The following PTPRD variants were observed in gnomAD, a reference collection of about 807,000 sequenced individuals.
The protein encoded by PTPRD is receptor-type tyrosine-protein phosphatase delta.
A neutral mutation model predicts 214.5 loss-of-function variants in PTPRD; 34 were observed. The ratio of observed to expected loss-of-function variants is 0.16; its 90% confidence interval spans 0.12 to 0.21. PTPRD has a LOEUF of 0.21. Ranked by LOEUF, PTPRD falls within the 10% of genes least tolerant of loss-of-function variation. PTPRD has a pLI of 1.00. For missense variants in PTPRD, 2,545 were observed against 2,398.7 expected, an observed-to-expected ratio of 1.06 and a Z score of -1.27; for synonymous variants, 1,128 against 845.7, an observed-to-expected ratio of 1.33 and a Z score of -5.79.
chr9:10,519,996 C>A (rs536302139), intron 2 of PTPRD, among the ~76,000 whole-genome samples: 1 of 151,936 alleles, frequency 6.6e-6, no homozygotes, highest in Admixed American at 6.6e-5. Flanking sequence ...TAGAGAAATA[C>A]AAAAATTAGT....
At chr9:9,175,146 T>C (rs1485274753) in intron 10 of PTPRD, among the ~76,000 whole-genome samples, 2 of 152,116 alleles carry the variant, frequency 1.3e-5, no homozygotes, top group Non-Finnish European at 2.9e-5. Context: ...AATTGCTGTT[T>C]ATATGCCACC....
intron 30 of PTPRD, among the ~76,000 whole-genome samples, chr9:8,476,028 G>C (rs2096757359): frequency 6.6e-6 from 1 of 152,190 alleles, no homozygotes; most frequent in Admixed American, 6.5e-5. Context: ...AAGGCCAGCA[G>C]GATCTTGCCT....
intron 2 of PTPRD, among the ~76,000 whole-genome samples, chr9:10,426,493 T>C (rs774341339): frequency 1.3e-5 from 2 of 152,046 alleles, no homozygotes; most frequent in African/African-American, 4.8e-5. Flanking sequence ...GTTTTTGCTA[T>C]GAAAACTTGT....
Position 8,724,839 on chromosome 9 carries a change from G to C in PTPRD, c.64+8941C>G, listed in dbSNP as rs969218532. Among the ~76,000 whole-genome samples the C allele has an allele frequency of 4.6e-5, 7 of 152,098 alleles. No homozygotes were observed. In the East Asian group the frequency reaches 7.7e-4, roughly 17 times the overall value. ...AGTAATCCCAGCTACTAGTGATGCTGAAGTGGGAGGATCACCCGAGCCCAG... is the reference window on the plus strand; with the variant it reads ...AGTAATCCCAGCTACTAGTGATGCTCAAGTGGGAGGATCACCCGAGCCCAG... On this transcript the variant is annotated intron_variant, in intron 12 of 45. Transcript: ENST00000381196.
intron 9 of PTPRD, among the ~76,000 whole-genome samples, chr9:9,394,690 T>C (rs1328912404): frequency 6.6e-6 from 1 of 152,102 alleles, no homozygotes; most frequent in Non-Finnish European, 1.5e-5. Flanking sequence ...TGAGCTCTAT[T>C]GGTGCATAGA....
chr9:10,058,217 T>A (rs575914335), intron 3 of PTPRD, among the ~76,000 whole-genome samples: 63 of 152,204 alleles, frequency 4.1e-4, no homozygotes, highest in Admixed American at 1.2e-3. Context: ...TCTCCCCCTT[T>A]TGAGTTATGT....
chr9:8,963,235 GA>G (rs1315764724), intron 11 of PTPRD, among the ~76,000 whole-genome samples: 1 of 152,092 alleles, frequency 6.6e-6, no homozygotes, highest in Non-Finnish European at 1.5e-5. Flanking sequence ...GAGAAGCAAG[GA>G]AATGATTATC....
chr9:9,310,959 AAAT>A (rs1455753977), intron 9 of PTPRD, among the ~76,000 whole-genome samples: 4 of 150,824 alleles, frequency 2.7e-5, no homozygotes, highest in African/African-American at 9.9e-5. Flanking sequence ...ATAAATAAAT[AAAT>A]AACATTCTCG....
chr9:10,340,117 C>A lies in PTPRD; in HGVS notation c.-545+846G>T, dbSNP rs184378110. ...TTACTTGTTCAATAATTATTTCATA[C>A]TACAAGAGTTAAAGTAGCCTCTGTC... is the stretch of plus-strand genomic sequence containing the variant. On this transcript the variant is annotated intron_variant, in intron 3 of 45. Transcript: ENST00000381196. Among the ~76,000 whole-genome samples, 134 of 151,952 alleles carry A rather than the reference C, an allele frequency of 8.8e-4. 1 individual carries two copies. Among genetic ancestry groups the A allele is most frequent in the African/African-American group, 3.1e-3 (130 of 41,510 alleles).
intron 2 of PTPRD, among the ~76,000 whole-genome samples, chr9:10,365,026 C>A (rs2097488039): frequency 6.6e-6 from 1 of 152,128 alleles, no homozygotes; most frequent in South Asian, 2.1e-4. Flanking sequence ...GACATCTTAA[C>A]AATTCTCTCT....
Position 10,190,386 on chromosome 9 carries a change from G to GAAAAAA in PTPRD, c.-545+150571_-545+150576dup, listed in dbSNP as rs66511711. ...CTGGGCGTCAGAGACTCTATCTCCAGAAAAAAAAAAAAAAAAAAAAAAAAA... is the reference window on the plus strand; with the variant it reads ...CTGGGCGTCAGAGACTCTATCTCCAGAAAAAAAAAAAAAAAAAAAAAAAAAAAAAAA... On this transcript the variant is annotated intron_variant, in intron 3 of 45. Coordinates refer to ENST00000381196, the MANE Select transcript of PTPRD (RefSeq NM_002839.4). Among the ~76,000 whole-genome samples, 45 of 50,144 alleles carry GAAAAAA rather than the reference G, an allele frequency of 9.0e-4. 1 individual carries two copies. Among genetic ancestry groups the GAAAAAA allele is most frequent in the Non-Finnish European group, 1.4e-3 (39 of 27,374 alleles). 32.9% of individuals were successfully genotyped at this position (50,144 alleles called of 152,430 possible). A position where few individuals can be genotyped will look rare whatever the true frequency, so the allele number is the denominator to read the frequency against.
intron 2 of PTPRD, among the ~76,000 whole-genome samples, chr9:10,524,516 GA>G (rs925098882): frequency 4.7e-4 from 69 of 148,248 alleles, no homozygotes; most frequent in South Asian, 8.5e-4. Flanking sequence ...ATATTTTTCA[GA>G]AAAAAAAAAT....
Position 8,329,908 on chromosome 9 carries a change from C to T in PTPRD, c.5534+1674G>A, listed in dbSNP as rs532917400. Among the ~76,000 whole-genome samples, 152 of 149,174 alleles carry T rather than the reference C, an allele frequency of 1.0e-3. 1 individual carries two copies. In the South Asian group the frequency reaches 0.012, roughly 12 times the overall value. On this transcript the variant is annotated intron_variant, in intron 44 of 45. Coordinates refer to ENST00000381196, the MANE Select transcript of PTPRD (RefSeq NM_002839.4). ...CAGGTGGACCTCAGACAGCTGTACT[C>T]GCAGTGAGATTTTCAAGCCAGTGGA...
intron 34 of PTPRD, among the ~76,000 whole-genome samples, chr9:8,444,667 A>T (rs989052803): frequency 2.0e-5 from 3 of 152,212 alleles, no homozygotes; most frequent in African/African-American, 7.2e-5. Context: ...TAACATAATG[A>T]ACACCTAAAT....
intron 4 of PTPRD, among the ~76,000 whole-genome samples, chr9:9,981,827 C>G (rs1360636711): frequency 2.0e-5 from 3 of 152,088 alleles, no homozygotes; most frequent in African/African-American, 7.2e-5. Context: ...CATCTAAAAT[C>G]ATATTTATTT....
chr9:8,431,082 C>T (rs930849506), intron 35 of PTPRD, among the ~76,000 whole-genome samples: 7 of 152,194 alleles, frequency 4.6e-5, no homozygotes, highest in African/African-American at 1.7e-4. Context: ...AGAAACTTCG[C>T]TCTCCCCCAT....
chr9:8,635,810 T>C (rs1512381), intron 13 of PTPRD, among the ~76,000 whole-genome samples: 27,223 of 152,072 alleles, frequency 0.18, 2,748 homozygotes, highest in South Asian at 0.29. Flanking sequence ...ATGTCTTAAA[T>C]TATGGGCATG....
At chr9:9,853,349 T>A (rs886952058) in intron 5 of PTPRD, among the ~76,000 whole-genome samples, 2 of 152,194 alleles carry the variant, frequency 1.3e-5, no homozygotes, top group Admixed American at 6.5e-5. Flanking sequence ...AACATTCTTC[T>A]TGGTTTTTTC....
intron 9 of PTPRD, among the ~76,000 whole-genome samples, chr9:9,369,733 T>G (rs1163661123): frequency 6.6e-6 from 1 of 152,222 alleles, no homozygotes; most frequent in South Asian, 2.1e-4. Context: ...CTAGGATTTT[T>G]ATGGTTTTAG....
Sources: allele counts gnomAD v4.1 joint callset (sites outside exome capture counted in the v4.1 genomes callset), GRCh38; gene constraint gnomAD v4.1.1; transcripts MANE v1.5; gene names NCBI Gene and HGNC (gene_info 2026-07-23, HGNC 2026-07-21).